SERPINA3: variants seen among roughly 807,000 people sequenced by gnomAD.
SERPINA3 encodes alpha-1-antichymotrypsin.
Under a neutral mutation model 26.8 loss-of-function variants are expected in SERPINA3, and 32 were observed. That is an observed-to-expected ratio of 1.20 (90% CI 0.90 to 1.61). The LOEUF (loss-of-function observed/expected upper bound fraction) is 1.61, where lower values mean the gene tolerates loss of function less well. SERPINA3 is among the 40% of genes most tolerant of loss of function. The pLI is 0.00. For synonymous variants in SERPINA3, 252 were observed against 206.4 expected, an observed-to-expected ratio of 1.22 and a Z score of -1.89; for missense variants, 632 against 517.9, an observed-to-expected ratio of 1.22 and a Z score of -2.14.
At chr14:94,621,135 C>A (rs184119563) in intron 3 of SERPINA3, among the ~76,000 whole-genome samples, 1 of 152,126 alleles carries the variant, frequency 6.6e-6, no homozygotes, top group East Asian at 1.9e-4. Flanking sequence ...GGACACCTCT[C>A]GGGATTGCCT....
chr14:94,617,955 T>A (rs746401544), intron 2 of SERPINA3: 1 of 152,214 alleles, frequency 6.6e-6, no homozygotes, highest in Non-Finnish European at 1.5e-5. Flanking sequence ...AGCACCATTC[T>A]TAGCTTTAGG....
intron 1 of SERPINA3, 50 bp downstream of exon 1, chr14:94,612,497 G>A (rs765291558): frequency 6.5e-6 from 8 of 1,224,356 alleles, no homozygotes; most frequent in Non-Finnish European, 8.9e-6. Context: ...TGTTTTTCCA[G>A]GAGAGTTTTA....
intron 2 of SERPINA3, among the ~76,000 whole-genome samples, chr14:94,617,303 C>G (rs1886039389): frequency 6.6e-6 from 1 of 152,014 alleles, no homozygotes; most frequent in Admixed American, 6.6e-5. Context: ...GCTGCAGGGA[C>G]CAGAGAAGCT....
At chr14:94,622,670 T>A in intron 4 of SERPINA3, 179 bp downstream of exon 4, 1 of 701,652 alleles carries the variant, frequency 1.4e-6, no homozygotes, top group South Asian at 1.6e-5. Flanking sequence ...CAGCTCCTCC[T>A]GCCGTGTTAG....
At position 94,623,701 on chromosome 14, in the gene SERPINA3, G is replaced by T. The variant is rs761656907; in HGVS notation, c.1159G>T (p.Val387Leu). The part of the protein sequence containing the change: ...AVKITLLSAL[V>L]ETRTIVRFNR... Reference sequence around the variant, plus strand: ...CAAAATCACCCTCCTTTCTGCATTAGTGGAGACAAGGACCATTGTGCGTTT... The same window carrying T: ...CAAAATCACCCTCCTTTCTGCATTATTGGAGACAAGGACCATTGTGCGTTT... Residue 387 changes from valine to leucine, a missense_variant, in exon 5 of 5, where the codon GTG becomes TTG. Val to Leu is a conservative substitution (Grantham distance 32). Transcript: ENST00000393078. The T allele has an allele frequency of 6.2e-7, 1 of 1,614,138 alleles. No individual in the cohort carries two copies. The highest frequency in any genetic ancestry group is 8.5e-7 in the Non-Finnish European group (1 of 1,179,998).
chr14:94,619,611 G>A (rs1595097821), intron 3 of SERPINA3, 143 bp downstream of exon 3: 3 of 997,738 alleles, frequency 3.0e-6, no homozygotes, highest in Middle Eastern at 4.3e-4. Context: ...TGCCTACATG[G>A]CTTTGGGCTT....
Position 94,622,446 on chromosome 14 carries a change from T to C in SERPINA3, c.1023T>C (p.Ala341=), listed in dbSNP as rs753657964. The change falls in exon 4 of 5, where the codon GCT becomes GCC. Residue 341 remains alanine (A), a synonymous_variant. Transcript: ENST00000393078. ...TTGAGGAAGCCTTCACCAGCAAGGC[T>C]GACCTGTCAGGGATCACAGGGGCCA... ...LGIEEAFTSK[A]DLSGITGARN... is the part of the protein sequence containing the mutation. 3.1e-6 allele frequency: 5 copies of C among 1,614,172 alleles called. No homozygotes were observed. The South Asian group carries it at 4.4e-5, about 14-fold the overall frequency.
Position 94,614,524 on chromosome 14 carries a change from C to A in SERPINA3, c.83C>A (p.Pro28Gln), listed in dbSNP as rs955058738. The change falls in exon 2 of 5, where the codon CCA becomes CAA. Residue 28 changes from proline to glutamine, a missense_variant. Pro to Gln is a moderately conservative substitution (Grantham distance 76, BLOSUM62 -1). Transcript: ENST00000393078. ...CPAVLCHPNS[P>Q]LDEENLTQEN... ...GCTGTCCTCTGCCACCCTAACAGCC[C>A]ACTTGACGAGGAGAATCTGACCCAG... 9.9e-6 allele frequency: 16 copies of A among 1,613,794 alleles called. No homozygotes were observed. The highest frequency in any genetic ancestry group is 1.2e-5 in the Non-Finnish European group (14 of 1,179,838).
In SERPINA3 at chr14:94,615,528, C is replaced by T. The variant is rs569082368; in HGVS notation, c.643+444C>T. On this transcript the variant is annotated intron_variant, in intron 2 of 4. Transcript: ENST00000393078. ...GGGAGGAGCACATTCCAGCCAGGGG[C>T]CTTGGTGTCTGGAGGTGGCCAGGTG... 431 of 448,208 alleles carry T rather than the reference C, an allele frequency of 9.6e-4. 1 individual carries two copies. Among genetic ancestry groups the T allele is most frequent in the Non-Finnish European group, 1.5e-3 (341 of 223,336 alleles). The allele number at this position is 448,208 out of a possible 1,614,324, so 27.8% of individuals were successfully genotyped here. A position where few individuals can be genotyped will look rare whatever the true frequency, so the allele number is the denominator to read the frequency against.
At position 94,612,459 on chromosome 14, in the gene SERPINA3, T is replaced by C. The variant is rs1885816212; in HGVS notation, c.-9+12T>C. On this transcript the variant is annotated intron_variant, in intron 1 of 4. Coordinates refer to ENST00000393078, the MANE Select transcript of SERPINA3 (RefSeq NM_001085.5). The stretch of plus-strand genomic sequence containing the variant: ...GCTCCCTGAGGCAGGTAATCCATGA[T>C]GTTTTACATCCTGGGAGCGGAGGAA... 2 of 1,354,510 alleles carry C rather than the reference T, an allele frequency of 1.5e-6. No homozygotes were observed. Among genetic ancestry groups the C allele is most frequent in the Non-Finnish European group, 2.0e-6 (2 of 1,012,058 alleles). The allele number at this position is 1,354,510 out of a possible 1,614,324, so 83.9% of individuals were successfully genotyped here.
At chr14:94,615,533 G>T (rs773430219) in intron 2 of SERPINA3, 2 of 440,598 alleles carry the variant, frequency 4.5e-6, no homozygotes, top group Admixed American at 4.9e-5. Context: ...AGGGGCCTTG[G>T]TGTCTGGAGG....
chr14:94,614,813 C>T lies in SERPINA3; in HGVS notation c.372C>T (p.Arg124=). ...ACCAGAGCTTCCAGCACCTCCTGCG[C>T]ACCCTCAATCAGTCCAGCGATGAGC... ...EIHQSFQHLL[R]TLNQSSDELQ... Residue 124 remains arginine (R), a synonymous_variant, in exon 2 of 5, where the codon CGC becomes CGT. Coordinates refer to ENST00000393078, the MANE Select transcript of SERPINA3 (RefSeq NM_001085.5). The T allele has an allele frequency of 1.9e-6, 3 of 1,614,216 alleles. No individual in the cohort carries two copies. The highest frequency in any genetic ancestry group is 2.5e-6 in the Non-Finnish European group (3 of 1,180,046).
chr14:94,614,614 T>C lies in SERPINA3; in HGVS notation c.173T>C (p.Phe58Ser), dbSNP rs776594089. 55 of 1,613,972 alleles carry C rather than the reference T, an allele frequency of 3.4e-5. No individual in the cohort carries two copies. The highest frequency in any genetic ancestry group is 4.7e-5 in the Non-Finnish European group (55 of 1,180,016). ...GLASANVDFAFSLYKQLVLKA... is the reference protein window; with the variant it reads ...GLASANVDFASSLYKQLVLKA... ...GCCTCCGCCAACGTGGACTTCGCTT[T>C]CAGCCTGTACAAGCAGTTAGTCCTG... Residue 58 changes from phenylalanine (F) to serine (S), a missense_variant, in exon 2 of 5, where the codon TTC becomes TCC. Coordinates refer to ENST00000393078, the MANE Select transcript of SERPINA3 (RefSeq NM_001085.5).
chr14:94,620,657 G>A (rs1157132881), intron 3 of SERPINA3, among the ~76,000 whole-genome samples: 1 of 152,212 alleles, frequency 6.6e-6, no homozygotes, highest in African/African-American at 2.4e-5. Flanking sequence ...GACATGAGGT[G>A]GGAGCCCACT....
chr14:94,622,476 C>G lies in SERPINA3; in HGVS notation c.1053C>G (p.Asn351Lys). ...TGTCAGGGATCACAGGGGCCAGGAA[C>G]CTAGCAGTCTCCCAGGTGAGTCTTT... ...ADLSGITGAR[N>K]LAVSQVVHKA... Residue 351 changes from asparagine (N) to lysine (K), a missense_variant, in exon 4 of 5, where the codon AAC becomes AAG. Transcript: ENST00000393078. 6.2e-7 allele frequency: 1 copy of G among 1,614,152 alleles called. No homozygotes were observed. Among genetic ancestry groups the G allele is most frequent in the African/African-American group, 1.3e-5 (1 of 75,034 alleles).
intron 4 of SERPINA3, 85 bp from the exon 5 acceptor site, chr14:94,623,526 T>A: frequency 8.0e-7 from 1 of 1,247,726 alleles, no homozygotes; most frequent in Non-Finnish European, 1.2e-6. Flanking sequence ...TCAATGCACA[T>A]TAGACCCCTT....
chr14:94,616,457 G>A (rs143114340), intron 2 of SERPINA3, among the ~76,000 whole-genome samples: 25 of 152,302 alleles, frequency 1.6e-4, no homozygotes, highest in Admixed American at 9.8e-4. Flanking sequence ...TGCTGGGGCA[G>A]CCCTGTGGAA....
intron 2 of SERPINA3, chr14:94,617,708 T>C (rs1055272900): frequency 1.3e-5 from 2 of 152,178 alleles, no homozygotes; most frequent in Non-Finnish European, 2.9e-5. Flanking sequence ...GTAAAGCCGT[T>C]TGTGACTTTA....
chr14:94,619,331 C>T lies in SERPINA3; in HGVS notation c.780C>T (p.Ser260=). 1 of 1,614,210 alleles carries T rather than the reference C, an allele frequency of 6.2e-7. No individual in the cohort carries two copies. The highest frequency in any genetic ancestry group is 8.5e-7 in the Non-Finnish European group (1 of 1,180,040). The stretch of plus-strand genomic sequence containing the variant: ...CTTACTTCCGGGACGAGGAGCTGTC[C>T]TGCACCGTGGTGGAGCTGAAGTACA... ...TIPYFRDEEL[S]CTVVELKYTG... is the part of the protein sequence containing the mutation. The change falls in exon 3 of 5, where the codon TCC becomes TCT. Residue 260 remains serine (S), a synonymous_variant. Transcript: ENST00000393078.
Sources: gnomAD v4.1 joint callset for allele counts (sites outside exome capture counted in the v4.1 genomes callset) on GRCh38, gnomAD v4.1.1 for gene constraint, MANE v1.5 for transcripts, NCBI Gene and HGNC (gene_info 2026-07-23, HGNC 2026-07-21) for gene names.